Variants in IQSEC1 observed in about 807,000 individuals in gnomAD.
IQSEC1 encodes IQ motif and Sec7 domain ArfGEF 1, also known as IQ motif and SEC7 domain-containing protein 1.
IQSEC1 carries 31 observed loss-of-function variants against 91.0 expected under a neutral mutation model. That is an observed-to-expected ratio of 0.34 (90% CI 0.26 to 0.46). The LOEUF is 0.46. Ranked by LOEUF, IQSEC1 falls within the 20% of genes least tolerant of loss-of-function variation. IQSEC1 has a pLI of 1.00. For synonymous variants in IQSEC1, 699 were observed against 662.6 expected (o/e 1.05, Z -0.84); for missense variants, 1,388 against 1,575.6 (o/e 0.88, Z 2.02).
intron 1 of IQSEC1, among the ~76,000 whole-genome samples, chr3:13,197,257 T>A (rs912152468): frequency 1.3e-5 from 2 of 152,300 alleles, no homozygotes; most frequent in Non-Finnish European, 1.5e-5. Flanking sequence ...ACACATTTTT[T>A]AAAAATCAAC....
At chr3:13,191,007 G>A (rs938753737) in intron 1 of IQSEC1, among the ~76,000 whole-genome samples, 2 of 152,140 alleles carry the variant, frequency 1.3e-5, no homozygotes, top group African/African-American at 4.8e-5. Context: ...CCCTCCTCCT[G>A]CCCCCAACAC....
rs114677646 is a variant in IQSEC1, at chr3:12,901,619, C to T, written c.2806-97G>A. ...TCAAATGTAAAAATTCACCCACTGACTGCTAAGCTTTAGTTCAACTCACTG... is the reference window on the plus strand; with the variant it reads ...TCAAATGTAAAAATTCACCCACTGATTGCTAAGCTTTAGTTCAACTCACTG... On this transcript the variant is annotated intron_variant, in intron 13 of 13. Transcript: ENST00000613206. 669 of 1,050,134 alleles carry T rather than the reference C, an allele frequency of 6.4e-4. 2 individuals carry two copies. The African/African-American group carries it at 8.9e-3, about 14-fold the overall frequency. 65.1% of individuals were successfully genotyped at this position (1,050,134 alleles called of 1,614,324 possible).
At chr3:12,995,346 C>T (rs1184420567) in intron 1 of IQSEC1, among the ~76,000 whole-genome samples, 1 of 152,254 alleles carries the variant, frequency 6.6e-6, no homozygotes, top group Admixed American at 6.5e-5. Flanking sequence ...ATTTTTACCT[C>T]TGACATCTCA....
At position 12,922,261 on chromosome 3, in the gene IQSEC1, G is replaced by A; in HGVS notation, c.1731-19C>T. On this transcript the variant is annotated intron_variant, in intron 4 of 13. Transcript: ENST00000613206. The surrounding 1 kb of genome is among the most constrained non-coding windows in gnomAD (Gnocchi z 5.1). ...GACGCAGCTGGAATAGAGACAGACA[G>A]CCCCGCATAAGCACCCCTTGCAGGT... The A allele has an allele frequency of 6.4e-7, 1 of 1,559,464 alleles. No individual in the cohort carries two copies. The highest frequency in any genetic ancestry group is 1.8e-5 in the Admixed American group (1 of 56,752).
intron 1 of IQSEC1, among the ~76,000 whole-genome samples, chr3:13,191,477 A>ATTTTTTTTTTTTTTTTTTTTTTTT (rs57912681): frequency 6.5e-5 from 6 of 92,102 alleles, no homozygotes; most frequent in African/African-American, 8.7e-5. Context: ...CACCCAGCTA[A>ATTTTTTTTTTTTTTTTTTTTTTTT]TTTTTTTTTT....
At chr3:13,240,668 C>T (rs1487279524) in intron 1 of IQSEC1, among the ~76,000 whole-genome samples, 4 of 152,174 alleles carry the variant, frequency 2.6e-5, no homozygotes, top group Non-Finnish European at 5.9e-5. Context: ...AGAGCAGGTC[C>T]GTCACTCTGT....
At chr3:13,177,702 A>G (rs1693762303) in intron 1 of IQSEC1, among the ~76,000 whole-genome samples, 1 of 152,198 alleles carries the variant, frequency 6.6e-6, no homozygotes, top group South Asian at 2.1e-4. Context: ...CTAACAGAAC[A>G]GTTGTTGCTG....
chr3:13,018,944 C>T (rs360847), intron 1 of IQSEC1, among the ~76,000 whole-genome samples: 2 of 152,032 alleles, frequency 1.3e-5, no homozygotes, highest in Non-Finnish European at 2.9e-5. Flanking sequence ...TCACGTTATC[C>T]CCCTAAGCCC....
At chr3:12,974,743 C>A (rs1317480195) in intron 1 of IQSEC1, among the ~76,000 whole-genome samples, 1 of 152,348 alleles carries the variant, frequency 6.6e-6, no homozygotes, top group African/African-American at 2.4e-5. Flanking sequence ...AGCTGACGAT[C>A]AAAAATGCCC....
intron 5 of IQSEC1, among the ~76,000 whole-genome samples, chr3:12,921,075 G>A (rs1216437043): frequency 6.6e-6 from 1 of 152,124 alleles, no homozygotes; most frequent in Non-Finnish European, 1.5e-5. Flanking sequence ...GGGGCCTCAG[G>A]TTCAACAGCT....
chr3:13,262,455 TA>T (rs1458564340), intron 1 of IQSEC1, among the ~76,000 whole-genome samples: 1 of 152,160 alleles, frequency 6.6e-6, no homozygotes, highest in Admixed American at 6.5e-5. Flanking sequence ...TCCTGGTCTA[TA>T]AAATGCAGAT....
intron 1 of IQSEC1, among the ~76,000 whole-genome samples, chr3:13,239,868 G>T (rs1329421651): frequency 1.3e-5 from 2 of 152,212 alleles, no homozygotes; most frequent in African/African-American, 2.4e-5. Context: ...GGCCCCGAGG[G>T]GCTGCGGGTG....
chr3:13,184,665 T>A (rs1036296292), intron 1 of IQSEC1, among the ~76,000 whole-genome samples: 2 of 152,214 alleles, frequency 1.3e-5, no homozygotes, highest in Admixed American at 1.3e-4. Flanking sequence ...ACTGTCTCCA[T>A]GCACAAGCGA....
In IQSEC1 at chr3:12,899,336, T is replaced by C; in HGVS notation, c.*1647A>G. 6.3e-7 allele frequency: 1 copy of C among 1,593,592 alleles called. No individual in the cohort carries two copies. Among genetic ancestry groups the C allele is most frequent in the South Asian group, 1.1e-5 (1 of 89,662 alleles). Reference sequence around the variant, plus strand: ...AGTCAGGCGTGAGCTTCGCCCTTTCTGAAAGGGCCTCCGCCTGGGCAGGCG... The same window carrying C: ...AGTCAGGCGTGAGCTTCGCCCTTTCCGAAAGGGCCTCCGCCTGGGCAGGCG... On this transcript the variant is annotated 3_prime_UTR_variant, in exon 14 of 14. Transcript: ENST00000613206.
rs375494527 is a variant in IQSEC1 at position 13,065,138 on chromosome 3, C to A, written c.23+7854G>T. ...AGGGCTTCCCATGGAAGGAGACCACCACCTCCTGCAGGGGCCGGCTGGTCA... is the reference window on the plus strand; with the variant it reads ...AGGGCTTCCCATGGAAGGAGACCACAACCTCCTGCAGGGGCCGGCTGGTCA... On this transcript the variant is annotated intron_variant, in intron 1 of 13. Transcript: ENST00000613206. 1.4e-4 allele frequency among the ~76,000 whole-genome samples: 22 copies of A among 152,354 alleles called. 1 individual carries two copies. In the South Asian group the frequency reaches 4.6e-3, roughly 32 times the overall value.
At chr3:13,006,563 C>G (rs1479258737) in intron 1 of IQSEC1, among the ~76,000 whole-genome samples, 1 of 152,230 alleles carries the variant, frequency 6.6e-6, no homozygotes, top group Non-Finnish European at 1.5e-5. Flanking sequence ...CCAAGGGCAA[C>G]CAGCACAACT....
intron 1 of IQSEC1, among the ~76,000 whole-genome samples, chr3:12,961,555 C>T (rs1005931486): frequency 2.0e-5 from 3 of 152,194 alleles, no homozygotes; most frequent in African/African-American, 7.2e-5. Context: ...GCCTGCAGCC[C>T]TTTAGCCCTT....
intron 2 of IQSEC1, among the ~76,000 whole-genome samples, chr3:13,108,568 G>A (rs562107749): frequency 1.3e-5 from 2 of 151,632 alleles, no homozygotes; most frequent in East Asian, 1.9e-4. Context: ...TCCTTTTGAC[G>A]AAACACCCCC....
intron 1 of IQSEC1, among the ~76,000 whole-genome samples, chr3:13,272,450 C>T (rs558176022): frequency 6.6e-6 from 1 of 152,338 alleles, no homozygotes; most frequent in South Asian, 2.1e-4. Flanking sequence ...CACAGCCCTG[C>T]AGGATCGTCT....
Sources: allele counts gnomAD v4.1 joint callset (sites outside exome capture counted in the v4.1 genomes callset), GRCh38; gene constraint gnomAD v4.1.1; non-coding constraint Gnocchi (gnomAD v3.1); transcripts MANE v1.5; gene names NCBI Gene and HGNC (gene_info 2026-07-23, HGNC 2026-07-21).